The following NELL1 variants were observed in gnomAD, a reference collection of about 807,000 sequenced individuals.
NELL1 encodes the protein protein kinase C-binding protein NELL1.
In NELL1, 76 loss-of-function variants were observed where a neutral mutation model predicts 107.4. That is an observed-to-expected ratio of 0.71 (90% CI 0.59 to 0.86). The LOEUF (loss-of-function observed/expected upper bound fraction) is 0.86, where lower values mean the gene tolerates loss of function less well. Among genes scored for constraint, NELL1 ranks in the 40% least tolerant of loss-of-function variants. NELL1 has a pLI of 0.00. For missense variants in NELL1, 1,024 were observed against 1,005.5 expected (o/e 1.02, Z -0.25); for synonymous variants, 353 against 341.2 (o/e 1.03, Z -0.38).
chr11:20,789,900 G>A (rs1416913147), intron 3 of NELL1, among the ~76,000 whole-genome samples: 1 of 152,160 alleles, frequency 6.6e-6, no homozygotes, highest in Non-Finnish European at 1.5e-5. Flanking sequence ...TCTGCAGCGG[G>A]TTATCCTGAT....
intron 15 of NELL1, among the ~76,000 whole-genome samples, chr11:21,470,936 C>G (rs1854164262): frequency 6.6e-6 from 1 of 152,072 alleles, no homozygotes; most frequent in African/African-American, 2.4e-5. Context: ...GTTGGGTAAA[C>G]ACAACAATGG....
intron 15 of NELL1, among the ~76,000 whole-genome samples, chr11:21,418,570 G>C (rs999225913): frequency 3.9e-5 from 6 of 152,102 alleles, no homozygotes; most frequent in African/African-American, 1.4e-4. Context: ...GCTAATTGCT[G>C]TTCAAAAGTT....
Position 21,575,091 on chromosome 11 carries a change from T to A in NELL1, c.*69T>A. On this transcript the variant is annotated 3_prime_UTR_variant, in exon 20 of 20. Transcript: ENST00000357134. ...CATCCAACGTGATTAAGGATAGGAATCGGTAGTTTGGTTTTTTTGTTTGTT... is the reference window on the plus strand; with the variant it reads ...CATCCAACGTGATTAAGGATAGGAAACGGTAGTTTGGTTTTTTTGTTTGTT... 1 of 1,362,074 alleles carries A rather than the reference T, an allele frequency of 7.3e-7. No individual in the cohort carries two copies. Among genetic ancestry groups the A allele is most frequent in the Non-Finnish European group, 1.0e-6 (1 of 955,206 alleles). 84.4% of individuals were successfully genotyped at this position (1,362,074 alleles called of 1,614,324 possible).
At chr11:20,721,541 C>G (rs1855388664) in intron 2 of NELL1, among the ~76,000 whole-genome samples, 1 of 152,122 alleles carries the variant, frequency 6.6e-6, no homozygotes, top group African/African-American at 2.4e-5. Context: ...AAAGCTACTG[C>G]TCAGAAATGA....
At chr11:20,672,377 A>G (rs1853935746) in intron 1 of NELL1, among the ~76,000 whole-genome samples, 1 of 152,246 alleles carries the variant, frequency 6.6e-6, no homozygotes, top group Admixed American at 6.5e-5. Flanking sequence ...CTGCTCAGAT[A>G]TCACCGGCTT....
At chr11:21,482,211 G>T (rs1026561271) in intron 15 of NELL1, among the ~76,000 whole-genome samples, 4 of 152,198 alleles carry the variant, frequency 2.6e-5, no homozygotes, top group African/African-American at 9.6e-5. Flanking sequence ...CAATTTTGCT[G>T]CAATTAAACA....
At chr11:21,440,856 G>A (rs1252489757) in intron 15 of NELL1, among the ~76,000 whole-genome samples, 1 of 152,078 alleles carries the variant, frequency 6.6e-6, no homozygotes, top group African/African-American at 2.4e-5. Context: ...AGAATGCCAT[G>A]ATTGCAAACC....
intron 15 of NELL1, among the ~76,000 whole-genome samples, chr11:21,385,596 C>T (rs953281924): frequency 1.3e-5 from 2 of 151,814 alleles, no homozygotes; most frequent in African/African-American, 2.4e-5. Context: ...TTTCAGAACA[C>T]AAGTCTTCAA....
chr11:21,079,620 A>G (rs1478138714), intron 12 of NELL1, among the ~76,000 whole-genome samples: 1 of 152,058 alleles, frequency 6.6e-6, no homozygotes, highest in African/African-American at 2.4e-5. Flanking sequence ...TAAATAACAA[A>G]TTGTTCAAAG....
At chr11:21,140,434 G>C (rs539300582) in intron 13 of NELL1, among the ~76,000 whole-genome samples, 1 of 152,246 alleles carries the variant, frequency 6.6e-6, no homozygotes, top group East Asian at 1.9e-4. Context: ...TATTGGAACT[G>C]TTAGATGCAC....
At chr11:21,099,034 C>T (rs772637952) in intron 12 of NELL1, among the ~76,000 whole-genome samples, 25 of 151,856 alleles carry the variant, frequency 1.6e-4, no homozygotes, top group African/African-American at 4.4e-4. Flanking sequence ...TAATGTAGGA[C>T]GACCAATTCA....
rs74821159 is a variant in NELL1, at chr11:20,909,655, C to T, written c.604-8527C>T. On this transcript the variant is annotated intron_variant, in intron 5 of 19. Coordinates refer to ENST00000357134, the MANE Select transcript of NELL1 (RefSeq NM_006157.5). ...GACTCTCTATTGCATGTCAAACCAG[C>T]GTAAGATCTGGTCCTTGCTGTCCTC... Among the ~76,000 whole-genome samples, 229 of 152,184 alleles carry T rather than the reference C, an allele frequency of 1.5e-3. 3 individuals carry two copies. In the East Asian group the frequency reaches 0.04, roughly 27 times the overall value.
At chr11:21,524,332 C>T (rs972981237) in intron 15 of NELL1, among the ~76,000 whole-genome samples, 8 of 151,964 alleles carry the variant, frequency 5.3e-5, no homozygotes, top group Non-Finnish European at 7.4e-5. Flanking sequence ...GAACCTGACA[C>T]GTAGTAAATT....
chr11:21,479,635 C>T (rs1487904302), intron 15 of NELL1, among the ~76,000 whole-genome samples: 2 of 151,998 alleles, frequency 1.3e-5, no homozygotes, highest in African/African-American at 4.8e-5. Context: ...AAAAGGGTGA[C>T]TAAAGTCAAC....
intron 7 of NELL1, among the ~76,000 whole-genome samples, chr11:20,926,477 A>G (rs1005235036): frequency 1.3e-5 from 2 of 152,164 alleles, no homozygotes; most frequent in African/African-American, 2.4e-5. Context: ...AGCCAAAACC[A>G]TGAAAAATGT....
intron 14 of NELL1, chr11:21,260,082 A>G (rs535405944): frequency 6.6e-6 from 1 of 152,094 alleles, no homozygotes; most frequent in African/African-American, 2.4e-5. Flanking sequence ...AACCAAACGG[A>G]AAACCTGGCC....
chr11:21,396,915 G>A (rs1590897788), intron 15 of NELL1, among the ~76,000 whole-genome samples: 1 of 151,616 alleles, frequency 6.6e-6, no homozygotes, highest in South Asian at 2.1e-4. Flanking sequence ...TTGAAAGCTA[G>A]GTGGGATTGT....
chr11:20,682,833 A>C (rs1854221219), intron 2 of NELL1, among the ~76,000 whole-genome samples: 1 of 152,058 alleles, frequency 6.6e-6, no homozygotes, highest in African/African-American at 2.4e-5. Context: ...ATATAAATAG[A>C]ATCATACAGT....
intron 13 of NELL1, among the ~76,000 whole-genome samples, chr11:21,114,240 G>A (rs1855178029): frequency 6.6e-6 from 1 of 151,908 alleles, no homozygotes; most frequent in Non-Finnish European, 1.5e-5. Flanking sequence ...CACTACAGTG[G>A]TCACTGACTC....
Sources: gnomAD v4.1 joint callset for allele counts (sites outside exome capture counted in the v4.1 genomes callset) on GRCh38, gnomAD v4.1.1 for gene constraint, MANE v1.5 for transcripts, NCBI Gene and HGNC (gene_info 2026-07-23, HGNC 2026-07-21) for gene names.